Variants in TTLL5 observed in about 807,000 individuals in gnomAD.
TTLL5 encodes tubulin tyrosine ligase like 5, also known as tubulin polyglutamylase TTLL5.
A neutral mutation model predicts 168.4 loss-of-function variants in TTLL5; 132 were observed. The observed-to-expected ratio is 0.78, with a 90% CI of 0.68 to 0.91. TTLL5 has a LOEUF of 0.91. Among genes scored for constraint, TTLL5 ranks in the 40% least tolerant of loss-of-function variants. The pLI is 0.00. For missense variants in TTLL5, 1,545 were observed against 1,581.5 expected (o/e 0.98, Z 0.39); for synonymous variants, 546 against 558.6 (o/e 0.98, Z 0.32).
rs367807893 is a variant in TTLL5, at chr14:75,902,148, C to T, written c.3747C>T (p.Ser1249=). Residue 1249 remains serine, a synonymous_variant, in exon 31 of 32, where the codon TCC becomes TCT. Transcript: ENST00000298832. ...RATSQKASKG[S]SAEGQLNGLQ... is the part of the protein sequence containing the mutation. ...AAGCTCCTTTGTGTTTCAGAGGGTC[C>T]TCCGCGGAAGGGCAGCTGAATGGAC... 6.2e-6 allele frequency: 10 copies of T among 1,614,040 alleles called. No homozygotes were observed. In the African/African-American group the frequency reaches 1.3e-4, roughly 22 times the overall value.
intron 4 of TTLL5, 132 bp from the exon 5 acceptor site, chr14:75,683,418 G>A (rs746563208): frequency 3.2e-5 from 21 of 661,382 alleles, no homozygotes; most frequent in African/African-American, 2.7e-4. Context: ...CTAGGCTCAC[G>A]TACTAATTGG....
rs45480992 is a variant in TTLL5 at position 75,771,860 on chromosome 14, G to C, written c.2136+6G>C. 0.13 allele frequency: 205,054 copies of C among 1,606,520 alleles called. 13,906 individuals carry two copies. The highest frequency in any genetic ancestry group is 0.14 in the Non-Finnish European group (166,644 of 1,177,404). On this transcript the variant is annotated splice_donor_region_variant and intron_variant, in intron 21 of 31. Transcript: ENST00000298832. Reference sequence around the variant, plus strand: ...CCAAAGAGGATGAACAGATGGTAAGGCTTTTCTTACTGAAACCTTTTTACT... The same window carrying C: ...CCAAAGAGGATGAACAGATGGTAAGCCTTTTCTTACTGAAACCTTTTTACT...
chr14:75,732,323 G>A lies in TTLL5; in HGVS notation c.1043-15G>A, dbSNP rs1451849691. The A allele has an allele frequency of 3.7e-6, 6 of 1,610,530 alleles. No individual in the cohort carries two copies. The highest frequency in any genetic ancestry group is 4.2e-6 in the Non-Finnish European group (5 of 1,177,564). ...GGAAAATGATCTTGTGTATTGTGTTGTGTTGTATTTCTAGAACTCTATGGC... is the reference window on the plus strand; with the variant it reads ...GGAAAATGATCTTGTGTATTGTGTTATGTTGTATTTCTAGAACTCTATGGC... On this transcript the variant is annotated splice_polypyrimidine_tract_variant and intron_variant, in intron 12 of 31. Transcript: ENST00000298832.
intron 9 of TTLL5, among the ~76,000 whole-genome samples, chr14:75,717,366 C>T (rs181720850): frequency 1.1e-4 from 17 of 152,272 alleles, no homozygotes; most frequent in Admixed American, 5.9e-4. Flanking sequence ...CCTCCTGCCT[C>T]GGCCTCCCAA....
chr14:75,787,350 G>T (rs1892428904), intron 26 of TTLL5, among the ~76,000 whole-genome samples: 1 of 152,100 alleles, frequency 6.6e-6, no homozygotes, highest in Non-Finnish European at 1.5e-5. Flanking sequence ...AAGAAAGTTG[G>T]TATGGTTGCA....
intron 5 of TTLL5, among the ~76,000 whole-genome samples, chr14:75,687,634 G>GA (rs1885168353): frequency 6.6e-6 from 1 of 151,964 alleles, no homozygotes. Flanking sequence ...TTAAGAAAAT[G>GA]AAAAAACAAG....
intron 31 of TTLL5, among the ~76,000 whole-genome samples, chr14:75,935,136 A>G (rs1461350530): frequency 6.6e-6 from 1 of 152,246 alleles, no homozygotes; most frequent in Non-Finnish European, 1.5e-5. Context: ...CTGAGTTCCC[A>G]GTAGCTTTAG....
Position 75,820,070 on chromosome 14 carries a change from C to T in TTLL5, c.3235C>T (p.Leu1079Phe). The change falls in exon 28 of 32, where the codon CTC becomes TTC. Residue 1079 changes from leucine (L) to phenylalanine (F), a missense_variant. Coordinates refer to ENST00000298832, the MANE Select transcript of TTLL5 (RefSeq NM_015072.5). ...NRSSASAPPTLRPIISPSGPT... is the reference protein window; with the variant it reads ...NRSSASAPPTFRPIISPSGPT... The stretch of plus-strand genomic sequence containing the variant: ...AAGCAGTGCTTCAGCTCCCCCAACC[C>T]TCCGACCCATCATCAGTCCTAGTGG... 1.2e-6 allele frequency: 2 copies of T among 1,610,280 alleles called. No homozygotes were observed. The highest frequency in any genetic ancestry group is 1.7e-6 in the Non-Finnish European group (2 of 1,178,462).
intron 31 of TTLL5, among the ~76,000 whole-genome samples, chr14:75,944,855 C>T (rs1003038667): frequency 6.6e-6 from 1 of 152,104 alleles, no homozygotes; most frequent in Non-Finnish European, 1.5e-5. Context: ...TGAGCATGTG[C>T]ACTAAGAGGC....
chr14:75,688,422 G>A (rs1246603567), intron 5 of TTLL5, among the ~76,000 whole-genome samples: 1 of 152,138 alleles, frequency 6.6e-6, no homozygotes, highest in Non-Finnish European at 1.5e-5. Context: ...CTCATACCTC[G>A]CCCTGTGCAT....
chr14:75,768,202 T>C (rs1476636867), intron 20 of TTLL5, among the ~76,000 whole-genome samples: 1 of 152,058 alleles, frequency 6.6e-6, no homozygotes, highest in African/African-American at 2.4e-5. Context: ...GGTAAGTCAG[T>C]AAAAAGGTCA....
intron 9 of TTLL5, 75 bp downstream of exon 9, chr14:75,707,782 C>A: frequency 1.6e-6 from 2 of 1,219,438 alleles, no homozygotes; most frequent in Middle Eastern, 1.9e-4. Flanking sequence ...GATCCATTAA[C>A]AAGTTTATTA....
chr14:75,674,748 TA>T (rs1884009920), intron 3 of TTLL5, among the ~76,000 whole-genome samples: 3 of 152,182 alleles, frequency 2.0e-5, no homozygotes, highest in African/African-American at 7.2e-5. Context: ...TGTATTTGTA[TA>T]TACTAGCAAT....
chr14:75,827,078 A>G (rs1372833112), intron 28 of TTLL5, among the ~76,000 whole-genome samples: 19 of 152,230 alleles, frequency 1.2e-4, no homozygotes, highest in Admixed American at 1.2e-3. Context: ...AAAACTATAG[A>G]ACTATATATC....
Position 75,792,929 on chromosome 14 carries a change from A to C in TTLL5, c.3000A>C (p.Leu1000=), listed in dbSNP as rs1450421197. 2 of 1,609,234 alleles carry C rather than the reference A, an allele frequency of 1.2e-6. No homozygotes were observed. The highest frequency in any genetic ancestry group is 2.2e-5 in the South Asian group (2 of 90,152). ...CCGTTTTAGCAGGATCGTGCTATCT[A>C]AACAAGCATCATTCAGGAATAGCCA... The part of the protein sequence containing the change: ...PSSAKAGSCY[L]NKHHSGIAKT... Residue 1000 remains leucine, a synonymous_variant, in exon 27 of 32, where the codon CTA becomes CTC. Transcript: ENST00000298832.
At chr14:75,908,862 C>T (rs925658124) in intron 31 of TTLL5, among the ~76,000 whole-genome samples, 48 of 152,182 alleles carry the variant, frequency 3.2e-4, no homozygotes, top group African/African-American at 1.1e-3. Flanking sequence ...CTGCAACCTC[C>T]GCCTCCTGGG....
intron 31 of TTLL5, among the ~76,000 whole-genome samples, chr14:75,916,483 A>T (rs2033619583): frequency 6.6e-6 from 1 of 152,040 alleles, no homozygotes; most frequent in Non-Finnish European, 1.5e-5. Context: ...TTCTACGAAA[A>T]ATAAAGTAGC....
intron 24 of TTLL5, 85 bp from the exon 25 acceptor site, chr14:75,782,402 A>G (rs1350011721): frequency 8.3e-6 from 9 of 1,079,088 alleles, no homozygotes; most frequent in Non-Finnish European, 1.2e-5. Context: ...CAGTTGTGTT[A>G]TATTTTTGGG....
At chr14:75,728,300 G>C (rs951491691) in intron 12 of TTLL5, among the ~76,000 whole-genome samples, 1 of 149,732 alleles carries the variant, frequency 6.7e-6, no homozygotes, top group Non-Finnish European at 1.5e-5. Flanking sequence ...AGATTGCAGC[G>C]AGCCGATATT....
Sources: gnomAD v4.1 joint callset for allele counts (sites outside exome capture counted in the v4.1 genomes callset) on GRCh38, gnomAD v4.1.1 for gene constraint, MANE v1.5 for transcripts, NCBI Gene and HGNC (gene_info 2026-07-23, HGNC 2026-07-21) for gene names.